COL8A1: variants seen among roughly 807,000 people sequenced by gnomAD.
COL8A1 encodes collagen type VIII alpha 1 chain.
In COL8A1, 21 loss-of-function variants were observed where a neutral mutation model predicts 42.7. That is an observed-to-expected ratio of 0.49 (90% CI 0.35 to 0.71). The LOEUF (loss-of-function observed/expected upper bound fraction) is 0.71. Ranked by LOEUF, COL8A1 falls within the 30% of genes least tolerant of loss-of-function variation. The probability of loss-of-function intolerance (pLI) is 0.01; values close to 1 mark genes in which losing one functional copy is unlikely to be tolerated. For synonymous variants in COL8A1, 367 were observed against 369.1 expected, an observed-to-expected ratio of 0.99 and a Z score of 0.06; for missense variants, 788 against 962.4, an observed-to-expected ratio of 0.82 and a Z score of 2.40.
chr3:99,768,394 T>G (rs1941505365), intron 2 of COL8A1, among the ~76,000 whole-genome samples: 1 of 152,232 alleles, frequency 6.6e-6, no homozygotes, highest in South Asian at 2.1e-4. Context: ...CCAGATACTT[T>G]TCAGAGTACT....
intron 1 of COL8A1, among the ~76,000 whole-genome samples, chr3:99,725,522 G>A (rs1286356406): frequency 6.7e-6 from 1 of 149,530 alleles, no homozygotes; most frequent in East Asian, 2.0e-4. Flanking sequence ...CCATTAACTT[G>A]TCATTTAGCA....
At chr3:99,720,268 C>T (rs1940112508) in intron 1 of COL8A1, among the ~76,000 whole-genome samples, 1 of 152,068 alleles carries the variant, frequency 6.6e-6, no homozygotes, top group Non-Finnish European at 1.5e-5. Flanking sequence ...GGAGAGTTAA[C>T]TTTTTGCGCA....
chr3:99,789,508 T>A (rs1195098163), intron 2 of COL8A1, among the ~76,000 whole-genome samples: 1 of 151,882 alleles, frequency 6.6e-6, no homozygotes, highest in Non-Finnish European at 1.5e-5. Context: ...GGGCAGGGAG[T>A]GGGCAGGCAG....
chr3:99,660,336 T>C (rs1938166947), intron 1 of COL8A1, among the ~76,000 whole-genome samples: 1 of 152,216 alleles, frequency 6.6e-6, no homozygotes. Flanking sequence ...ATCATGATTA[T>C]CTTCCTATAA....
At chr3:99,653,745 T>A (rs921155565) in intron 1 of COL8A1, among the ~76,000 whole-genome samples, 1 of 150,984 alleles carries the variant, frequency 6.6e-6, no homozygotes, top group Non-Finnish European at 1.5e-5. Flanking sequence ...CCTAGATGCA[T>A]CCTGGCCCCT....
intron 2 of COL8A1, among the ~76,000 whole-genome samples, chr3:99,758,867 CAATT>C (rs1941311066): frequency 6.6e-6 from 1 of 152,114 alleles, no homozygotes; most frequent in Non-Finnish European, 1.5e-5. Context: ...GAATTCAAAA[CAATT>C]AGCCTTTATA....
chr3:99,677,836 T>C (rs1424726019), intron 1 of COL8A1: 1 of 152,216 alleles, frequency 6.6e-6, no homozygotes, highest in Non-Finnish European at 1.5e-5. Flanking sequence ...CTTGGCCATT[T>C]ACACAAAACC....
chr3:99,775,334 A>C (rs1333895856), intron 2 of COL8A1, among the ~76,000 whole-genome samples: 2 of 152,152 alleles, frequency 1.3e-5, no homozygotes, highest in African/African-American at 2.4e-5. Flanking sequence ...GGCTAGTGGC[A>C]GGATTTGCCC....
At chr3:99,788,432 C>A (rs1263815090) in intron 2 of COL8A1, among the ~76,000 whole-genome samples, 1 of 152,170 alleles carries the variant, frequency 6.6e-6, no homozygotes, top group East Asian at 1.9e-4. Flanking sequence ...TGATGGAAGG[C>A]TGAAGGGCCA....
At chr3:99,750,629 T>C (rs1941128265) in intron 2 of COL8A1, among the ~76,000 whole-genome samples, 1 of 152,138 alleles carries the variant, frequency 6.6e-6, no homozygotes, top group African/African-American at 2.4e-5. Context: ...TAATAATAAA[T>C]GTAATAGGTT....
chr3:99,795,824 C>G lies in COL8A1; in HGVS notation c.1923C>G (p.Asn641Lys). The G allele has an allele frequency of 6.2e-7, 1 of 1,614,148 alleles. No homozygotes were observed. Among genetic ancestry groups the G allele is most frequent in the Non-Finnish European group, 8.5e-7 (1 of 1,180,008 alleles). The change falls in exon 4 of 4, where the codon AAC (asparagine) becomes AAG (lysine). Residue 641 changes from asparagine to lysine, a missense_variant. Asn to Lys is a moderately conservative substitution (Grantham distance 94). Coordinates refer to ENST00000652472, the MANE Select transcript of COL8A1 (RefSeq NM_020351.4). ...TGAAGTTTAACAAACTGCTGTATAA[C>G]GGCAGACAGAACTACAACCCGCAGA... ...APVKFNKLLY[N>K]GRQNYNPQTG...
intron 1 of COL8A1, among the ~76,000 whole-genome samples, chr3:99,737,595 C>T (rs946752768): frequency 3.3e-4 from 50 of 152,226 alleles, no homozygotes; most frequent in Admixed American, 8.5e-4. Context: ...CCAAGAGATC[C>T]GCTGTCAGTC....
intron 2 of COL8A1, among the ~76,000 whole-genome samples, chr3:99,747,123 C>G (rs999071835): frequency 2.6e-5 from 4 of 152,100 alleles, no homozygotes; most frequent in African/African-American, 9.7e-5. Flanking sequence ...TCCAAAAGCA[C>G]AGAATGTAAC....
In COL8A1 at chr3:99,798,642, G is replaced by A. The variant is rs755063716; in HGVS notation, c.*2506G>A. The A allele has an allele frequency of 3.3e-5, 5 of 152,096 alleles. No individual in the cohort carries two copies. Among genetic ancestry groups the A allele is most frequent in the African/African-American group, 4.8e-5 (2 of 41,422 alleles). 9.4% of individuals were successfully genotyped at this position (152,096 alleles called of 1,614,324 possible). On this transcript the variant is annotated 3_prime_UTR_variant, in exon 4 of 4. Transcript: ENST00000652472. ...TATGTGTGTGTGTGTGTGTGTGCGC[G>A]TGAGCGCACGTGTGTGTATGCGTGC...
intron 2 of COL8A1, among the ~76,000 whole-genome samples, chr3:99,780,410 T>C (rs1033318779): frequency 6.6e-6 from 1 of 152,206 alleles, no homozygotes; most frequent in African/African-American, 2.4e-5. Context: ...CCCTCGCTAC[T>C]TCCTTTAGGC....
At chr3:99,727,868 T>C (rs1387835694) in intron 1 of COL8A1, among the ~76,000 whole-genome samples, 1 of 151,942 alleles carries the variant, frequency 6.6e-6, no homozygotes, top group Admixed American at 6.6e-5. Flanking sequence ...ATCCAGCATA[T>C]AAACAGAACC....
intron 1 of COL8A1, among the ~76,000 whole-genome samples, chr3:99,642,140 C>A (rs147360515): frequency 6.6e-6 from 1 of 152,278 alleles, no homozygotes; most frequent in South Asian, 2.1e-4. Flanking sequence ...TATTAAACTT[C>A]CCCTTTCTAG....
chr3:99,696,408 C>T (rs1231524981), intron 1 of COL8A1, among the ~76,000 whole-genome samples: 3 of 152,110 alleles, frequency 2.0e-5, no homozygotes, highest in East Asian at 1.9e-4. Flanking sequence ...GCTAGGGGCC[C>T]CTACCAGGAG....
At chr3:99,725,808 C>A (rs1319989713) in intron 1 of COL8A1, among the ~76,000 whole-genome samples, 1 of 152,000 alleles carries the variant, frequency 6.6e-6, no homozygotes, top group Non-Finnish European at 1.5e-5. Context: ...TTAATCCAGT[C>A]TATCATTGTT....
Sources: allele counts gnomAD v4.1 joint callset (sites outside exome capture counted in the v4.1 genomes callset), GRCh38; gene constraint gnomAD v4.1.1; transcripts MANE v1.5; gene names NCBI Gene and HGNC (gene_info 2026-07-23, HGNC 2026-07-21).